NAV2: variants seen among roughly 807,000 people sequenced by gnomAD.
NAV2 encodes neuron navigator 2.
NAV2 carries 54 observed loss-of-function variants against 223.2 expected under a neutral mutation model. That is an observed-to-expected ratio of 0.24 (90% CI 0.19 to 0.30). The LOEUF (loss-of-function observed/expected upper bound fraction) is 0.30. NAV2 is among the 10% of genes least tolerant of loss of function. The pLI, the probability that NAV2 is intolerant of heterozygous loss-of-function variation, is 1.00. For missense variants in NAV2, 2,806 were observed against 3,147.5 expected, an observed-to-expected ratio of 0.89 and a Z score of 2.60; for synonymous variants, 1,279 against 1,239.3, an observed-to-expected ratio of 1.03 and a Z score of -0.67.
chr11:19,444,738 T>G (rs1269003538), intron 1 of NAV2, among the ~76,000 whole-genome samples: 2 of 151,198 alleles, frequency 1.3e-5, no homozygotes, highest in African/African-American at 4.8e-5. Context: ...CTAATTATTA[T>G]ATTATTACTA....
chr11:20,079,069 T>C (rs10741817), intron 24 of NAV2, among the ~76,000 whole-genome samples: 135,226 of 152,170 alleles, frequency 0.89, 60,181 homozygotes, highest in East Asian at 0.95. Flanking sequence ...GAGACGGAGT[T>C]TCACTCTGTT....
chr11:20,048,610 A>C, intron 14 of NAV2, 118 bp from the exon 15 acceptor site: 1 of 831,342 alleles, frequency 1.2e-6, no homozygotes, highest in Non-Finnish European at 1.9e-6. Flanking sequence ...TTCAGTAGGA[A>C]TGGCTGTGCT....
At chr11:20,113,825 A>G (rs2062828886) in intron 36 of NAV2, among the ~76,000 whole-genome samples, 1 of 152,068 alleles carries the variant, frequency 6.6e-6, no homozygotes, top group African/African-American at 2.4e-5. Flanking sequence ...CCTGGGCAAT[A>G]TAGAGAGATC....
chr11:19,572,979 C>T (rs187503319), intron 1 of NAV2, among the ~76,000 whole-genome samples: 8 of 152,320 alleles, frequency 5.3e-5, no homozygotes, highest in Admixed American at 5.2e-4. Flanking sequence ...TTTTGAAAAA[C>T]TGGCCACAAA....
chr11:19,540,864 C>A (rs1456102000), intron 1 of NAV2, among the ~76,000 whole-genome samples: 1 of 151,918 alleles, frequency 6.6e-6, no homozygotes, highest in Non-Finnish European at 1.5e-5. Context: ...TGCACTCCAG[C>A]CAGGGTTGCA....
intron 1 of NAV2, among the ~76,000 whole-genome samples, chr11:19,569,556 A>G (rs2045362700): frequency 6.6e-6 from 1 of 152,160 alleles, no homozygotes; most frequent in African/African-American, 2.4e-5. Flanking sequence ...GCCTCAAACT[A>G]TGGCAGCTGT....
chr11:19,853,478 C>G (rs758462373), intron 3 of NAV2, among the ~76,000 whole-genome samples: 1 of 152,064 alleles, frequency 6.6e-6, no homozygotes. Context: ...AAGTTGTAAA[C>G]TCTCTTAAAA....
intron 4 of NAV2, among the ~76,000 whole-genome samples, chr11:19,878,303 C>T (rs1040245891): frequency 2.0e-5 from 3 of 152,162 alleles, no homozygotes; most frequent in Non-Finnish European, 4.4e-5. Context: ...GAATCTCATT[C>T]AGGATTCTGG....
chr11:20,045,639 T>C lies in NAV2; in HGVS notation c.3871T>C (p.Tyr1291His), dbSNP rs1445418210. ...AQTSLQPGAK[Y>H]PDVASPTLRR... ...GACCAGTCTCCAGCCTGGAGCCAAG[T>C]ACCCAGATGTGGCCTCTCCCACACT... The change falls in exon 14 of 38, where the codon TAC (tyrosine) becomes CAC (histidine). Residue 1291 changes from tyrosine (Y) to histidine (H), a missense_variant. Transcript: ENST00000349880. 1.2e-6 allele frequency: 2 copies of C among 1,613,952 alleles called. No individual in the cohort carries two copies. Among genetic ancestry groups the C allele is most frequent in the African/African-American group, 1.3e-5 (1 of 74,936 alleles).
rs558735860 is a variant in NAV2 at position 19,965,676 on chromosome 11, T to C, written c.2645+16596T>C. 2.0e-5 allele frequency among the ~76,000 whole-genome samples: 3 copies of C among 152,370 alleles called. No homozygotes were observed. The East Asian group carries it at 5.8e-4, about 29-fold the overall frequency. On this transcript the variant is annotated intron_variant, in intron 10 of 37. Transcript: ENST00000349880. ...TATATTCTCTGCTTACATTCCTCAG[T>C]GGCTCTTCACTGCCTGCTGAGAAAA...
chr11:19,479,633 T>G lies in NAV2; in HGVS notation c.75+128606T>G, dbSNP rs148333832. 4.5e-3 allele frequency among the ~76,000 whole-genome samples: 681 copies of G among 152,338 alleles called. 8 individuals are homozygous for G. The highest frequency in any genetic ancestry group is 0.015 in the African/African-American group (642 of 41,580). ...CTGCCTCTATGTTAGTTGGCCTGTT[T>G]GTAGGTCTTTCATAGAAAATATATT... On this transcript the variant is annotated intron_variant, in intron 1 of 37. Coordinates refer to the NAV2 transcript ENST00000360655.
chr11:19,349,524 T>G (rs1214873359), upstream of NAV2, among the ~76,000 whole-genome samples: 1 of 152,160 alleles, frequency 6.6e-6, no homozygotes, highest in East Asian at 1.9e-4. Flanking sequence ...TGCGGCCGGA[T>G]CTGGCCGCAG....
At chr11:19,865,350 T>A (rs2062027234) in intron 3 of NAV2, among the ~76,000 whole-genome samples, 1 of 152,134 alleles carries the variant, frequency 6.6e-6, no homozygotes, top group Non-Finnish European at 1.5e-5. Context: ...GAAGATGGAT[T>A]GTGTTTACCT....
chr11:19,956,065 TGCCA>T (rs1241574740), intron 10 of NAV2, among the ~76,000 whole-genome samples: 1 of 152,128 alleles, frequency 6.6e-6, no homozygotes, highest in Non-Finnish European at 1.5e-5. Flanking sequence ...AAGTTCAGGT[TGCCA>T]GCCAGCCAGT....
chr11:19,565,428 C>T (rs1011005533), intron 1 of NAV2, among the ~76,000 whole-genome samples: 5 of 152,296 alleles, frequency 3.3e-5, no homozygotes, highest in East Asian at 1.9e-4. Context: ...GTGAGAGCTT[C>T]GGTAGTGGCT....
chr11:19,578,640 C>T (rs1402067563), intron 1 of NAV2, among the ~76,000 whole-genome samples: 1 of 152,246 alleles, frequency 6.6e-6, no homozygotes, highest in Non-Finnish European at 1.5e-5. Context: ...ATTTGTAGTA[C>T]TTACAAAATG....
chr11:20,115,402 A>G (rs1027790058), intron 37 of NAV2, among the ~76,000 whole-genome samples: 2 of 151,962 alleles, frequency 1.3e-5, no homozygotes, highest in African/African-American at 4.8e-5. Context: ...TGAGAGGCCA[A>G]GGCGGGTGGA....
At chr11:19,669,875 G>A (rs2048529820) in intron 1 of NAV2, among the ~76,000 whole-genome samples, 3 of 152,248 alleles carry the variant, frequency 2.0e-5, no homozygotes, top group Admixed American at 2.0e-4. Context: ...GTGATGCCCA[G>A]TGGGTCAGAT....
chr11:19,821,005 G>C (rs1449188276), intron 1 of NAV2, among the ~76,000 whole-genome samples: 1 of 152,208 alleles, frequency 6.6e-6, no homozygotes, highest in Admixed American at 6.5e-5. Flanking sequence ...GCTCACGCCT[G>C]TAATCCCAGC....
Sources: gnomAD v4.1 joint callset for allele counts (sites outside exome capture counted in the v4.1 genomes callset) on GRCh38, gnomAD v4.1.1 for gene constraint, MANE v1.5 for transcripts, NCBI Gene and HGNC (gene_info 2026-07-23, HGNC 2026-07-21) for gene names.